Variants in DCC observed in about 807,000 individuals in gnomAD.
DCC encodes the protein DCC netrin 1 receptor, also known as netrin receptor DCC.
Under a neutral mutation model 172.5 loss-of-function variants are expected in DCC, and 58 were observed. That is an observed-to-expected ratio of 0.34 (90% CI 0.27 to 0.42). The LOEUF (loss-of-function observed/expected upper bound fraction) is 0.42, where lower values mean the gene tolerates loss of function less well. DCC is among the 10% of genes least tolerant of loss of function. The probability of loss-of-function intolerance (pLI) is 1.00; values close to 1 mark genes in which losing one functional copy is unlikely to be tolerated. For missense variants in DCC, 1,740 were observed against 1,791.0 expected (o/e 0.97, Z 0.51); for synonymous variants, 709 against 644.5 (o/e 1.10, Z -1.52).
At chr18:53,468,821 C>T (rs544466068) in intron 25 of DCC, among the ~76,000 whole-genome samples, 12 of 152,318 alleles carry the variant, frequency 7.9e-5, no homozygotes, top group African/African-American at 2.9e-4. Context: ...CCCACATTCA[C>T]TGAAGATATT....
At chr18:52,363,101 C>G (rs1984694696) in intron 1 of DCC, among the ~76,000 whole-genome samples, 1 of 152,094 alleles carries the variant, frequency 6.6e-6, no homozygotes, top group African/African-American at 2.4e-5. Context: ...TAGTATTGAA[C>G]TCCTGACCTC....
At chr18:53,218,858 T>C (rs1231055002) in intron 12 of DCC, among the ~76,000 whole-genome samples, 1 of 152,158 alleles carries the variant, frequency 6.6e-6, no homozygotes, top group African/African-American at 2.4e-5. Flanking sequence ...TTCAAATACA[T>C]ACTACAACTT....
intron 15 of DCC, among the ~76,000 whole-genome samples, chr18:53,360,835 C>A (rs1219567657): frequency 6.6e-6 from 1 of 152,132 alleles, no homozygotes; most frequent in Non-Finnish European, 1.5e-5. Flanking sequence ...TCAACATAGC[C>A]TCCTTCATAA....
At chr18:52,374,279 G>A (rs907715612) in intron 1 of DCC, among the ~76,000 whole-genome samples, 3 of 152,016 alleles carry the variant, frequency 2.0e-5, no homozygotes, top group African/African-American at 7.2e-5. Flanking sequence ...TCTCAAATGG[G>A]TTTTTGGTTT....
At chr18:52,523,111 T>C (rs2031870033) in intron 1 of DCC, among the ~76,000 whole-genome samples, 1 of 152,198 alleles carries the variant, frequency 6.6e-6, no homozygotes, top group East Asian at 1.9e-4. Flanking sequence ...AACCTAGATC[T>C]TATTCCCAGA....
chr18:53,080,868 T>A (rs1469200108), intron 7 of DCC, among the ~76,000 whole-genome samples: 1 of 152,070 alleles, frequency 6.6e-6, no homozygotes, highest in Non-Finnish European at 1.5e-5. Flanking sequence ...CAGGGCCTTA[T>A]CATGCATCTT....
chr18:52,519,296 T>A (rs2031736364), intron 1 of DCC, among the ~76,000 whole-genome samples: 1 of 152,202 alleles, frequency 6.6e-6, no homozygotes, highest in African/African-American at 2.4e-5. Context: ...CTTGCATGCC[T>A]CAAGAAGTGG....
intron 12 of DCC, among the ~76,000 whole-genome samples, chr18:53,253,751 T>A (rs1036539576): frequency 1.3e-5 from 2 of 152,098 alleles, no homozygotes; most frequent in Non-Finnish European, 2.9e-5. Flanking sequence ...TTTCTTAGAC[T>A]AAGACACCTC....
chr18:52,925,299 G>A lies in DCC; in HGVS notation c.914G>A (p.Ser305Asn). 1 of 1,612,046 alleles carries A rather than the reference G, an allele frequency of 6.2e-7. No individual in the cohort carries two copies. Among genetic ancestry groups the A allele is most frequent in the Non-Finnish European group, 8.5e-7 (1 of 1,178,340 alleles). ...LLISNVTDDD[S>N]GMYTCVVTYK... ...ATCTCCAATGTGACAGATGATGACA[G>A]TGGAATGTATACCTGTGTTGTCACA... Residue 305 changes from serine (S) to asparagine (N), a missense_variant, in exon 5 of 29, where the codon AGT becomes AAT. By Grantham distance (46) the Ser-to-Asn change is conservative. This residue lies in a region of DCC where 1,732 missense variants were observed against 1,767.4 expected (regional missense o/e 0.98). Coordinates refer to ENST00000442544, the MANE Select transcript of DCC (RefSeq NM_005215.4).
intron 1 of DCC, among the ~76,000 whole-genome samples, chr18:52,453,284 A>C (rs1988361897): frequency 6.6e-6 from 1 of 152,234 alleles, no homozygotes; most frequent in Non-Finnish European, 1.5e-5. Flanking sequence ...ACATTCTTTA[A>C]ATGTTAGTAC....
intron 20 of DCC, among the ~76,000 whole-genome samples, chr18:53,412,304 A>G (rs1359356748): frequency 6.6e-6 from 1 of 152,160 alleles, no homozygotes; most frequent in African/African-American, 2.4e-5. Context: ...TGTTGTTTAT[A>G]TGCTAAAATA....
chr18:52,657,992 G>A (rs900836468), intron 1 of DCC, among the ~76,000 whole-genome samples: 1 of 152,126 alleles, frequency 6.6e-6, no homozygotes, highest in Non-Finnish European at 1.5e-5. Flanking sequence ...TTGCCTGGAG[G>A]AGTTTCTGGT....
At position 52,620,062 on chromosome 18, in the gene DCC, G is replaced by T. The variant is rs557188072; in HGVS notation, c.92-131992G>T. ...AGGCCCCCTCGTAATTTATATAAAG[G>T]AACTGACAACCTCATTGGTTTTCAG... On this transcript the variant is annotated intron_variant, in intron 1 of 28. Coordinates refer to ENST00000442544, the MANE Select transcript of DCC (RefSeq NM_005215.4). Among the ~76,000 whole-genome samples the T allele has an allele frequency of 2.6e-5, 4 of 152,136 alleles. No homozygotes were observed. The South Asian group carries it at 8.3e-4, about 31-fold the overall frequency.
intron 8 of DCC, among the ~76,000 whole-genome samples, chr18:53,158,614 G>A (rs1262890745): frequency 6.6e-6 from 1 of 151,866 alleles, no homozygotes; most frequent in South Asian, 2.1e-4. Flanking sequence ...GTCTCAAAAT[G>A]CTCTCCTTTG....
At position 52,406,716 on chromosome 18, in the gene DCC, A is replaced by C. The variant is rs545678741; in HGVS notation, c.91+65838A>C. On this transcript the variant is annotated intron_variant, in intron 1 of 28. Transcript: ENST00000442544. ...TGTAAATTTTATATGGAATCTTGTAAAATTAAAACAAAACAAATGTTTTAC... is the reference window on the plus strand; with the variant it reads ...TGTAAATTTTATATGGAATCTTGTACAATTAAAACAAAACAAATGTTTTAC... Among the ~76,000 whole-genome samples, 31 of 152,186 alleles carry C rather than the reference A, an allele frequency of 2.0e-4. No individual in the cohort carries two copies. In the South Asian group the frequency reaches 5.8e-3, roughly 29 times the overall value.
intron 5 of DCC, among the ~76,000 whole-genome samples, chr18:52,998,446 G>C (rs2041517305): frequency 6.6e-6 from 1 of 151,994 alleles, no homozygotes; most frequent in Admixed American, 6.6e-5. Flanking sequence ...GATTCACGAA[G>C]GTAGATTTCT....
chr18:53,170,868 G>T (rs544795612), intron 8 of DCC, among the ~76,000 whole-genome samples: 3 of 152,100 alleles, frequency 2.0e-5, no homozygotes, highest in African/African-American at 7.2e-5. Flanking sequence ...GGCTTTTGAG[G>T]TTTGTTTTTT....
intron 7 of DCC, among the ~76,000 whole-genome samples, chr18:53,121,504 C>A (rs554947789): frequency 3.0e-4 from 46 of 151,968 alleles, no homozygotes; most frequent in Non-Finnish European, 6.0e-4. Context: ...CGTAAACTTC[C>A]AATCATACGC....
intron 1 of DCC, among the ~76,000 whole-genome samples, chr18:52,653,593 A>G (rs1246224832): frequency 6.6e-6 from 1 of 152,198 alleles, no homozygotes; most frequent in Non-Finnish European, 1.5e-5. Context: ...TGAGAGTTCA[A>G]ACTTTGCCAG....
Sources: allele counts gnomAD v4.1 joint callset (sites outside exome capture counted in the v4.1 genomes callset), GRCh38; gene constraint gnomAD v4.1.1; regional missense constraint gnomAD v4.1.1; transcripts MANE v1.5; gene names NCBI Gene and HGNC (gene_info 2026-07-23, HGNC 2026-07-21).